Variants in AGTPBP1 observed in about 807,000 individuals in gnomAD.
AGTPBP1 encodes ATP/GTP binding carboxypeptidase 1.
AGTPBP1 carries 70 observed loss-of-function variants against 143.9 expected under a neutral mutation model. The observed-to-expected ratio is 0.49, with a 90% CI of 0.40 to 0.59. The LOEUF is 0.59. Ranked by LOEUF, AGTPBP1 falls within the 20% of genes least tolerant of loss-of-function variation. AGTPBP1 has a pLI of 0.00. For missense variants in AGTPBP1, 1,229 were observed against 1,464.5 expected (o/e 0.84, Z 2.62); for synonymous variants, 463 against 500.2 (o/e 0.93, Z 0.99).
At chr9:85,731,299 A>G (rs1381350622) in intron 1 of AGTPBP1, among the ~76,000 whole-genome samples, 1 of 152,230 alleles carries the variant, frequency 6.6e-6, no homozygotes, top group Non-Finnish European at 1.5e-5. Context: ...TAGAATGGCT[A>G]AACTTTAAAA....
At chr9:85,736,375 AATCAGATCAGGGTAATT>A (rs1437014521) in intron 1 of AGTPBP1, among the ~76,000 whole-genome samples, 1 of 152,224 alleles carries the variant, frequency 6.6e-6, no homozygotes, top group East Asian at 1.9e-4. Flanking sequence ...AATGTATAGC[AATCAGATCAGGGTAATT>A]AGCAAATCCA....
intron 25 of AGTPBP1, 54 bp downstream of exon 25, chr9:85,575,261 T>C: frequency 7.3e-7 from 1 of 1,365,096 alleles, no homozygotes; most frequent in Non-Finnish European, 9.7e-7. Flanking sequence ...GCTATTTTAA[T>C]GAAGTCTAAT....
At chr9:85,658,042 TCTG>T (rs778477823) in intron 9 of AGTPBP1, among the ~76,000 whole-genome samples, 3 of 152,142 alleles carry the variant, frequency 2.0e-5, no homozygotes, top group African/African-American at 4.8e-5. Context: ...TTTTAGAAGA[TCTG>T]CTATCATTTT....
chr9:85,595,817 A>G (rs1312362503), intron 18 of AGTPBP1, among the ~76,000 whole-genome samples: 1 of 152,122 alleles, frequency 6.6e-6, no homozygotes, highest in African/African-American at 2.4e-5. Flanking sequence ...ATGAGCCACC[A>G]CACCCAGCCT....
chr9:85,554,264 C>T (rs1323354444), intron 25 of AGTPBP1: 3 of 152,214 alleles, frequency 2.0e-5, no homozygotes, highest in Non-Finnish European at 4.4e-5. Context: ...TTCAGAGCTG[C>T]CAAGGTTCCT....
intron 13 of AGTPBP1, among the ~76,000 whole-genome samples, chr9:85,633,994 C>G (rs1233599468): frequency 2.0e-5 from 3 of 151,218 alleles, no homozygotes; most frequent in Non-Finnish European, 4.4e-5. Context: ...GAGTTCAAGA[C>G]CAGCCTGGCC....
chr9:85,646,542 T>C (rs1832821229), intron 11 of AGTPBP1, 124 bp from the exon 12 acceptor site: 5 of 693,096 alleles, frequency 7.2e-6, no homozygotes, highest in Non-Finnish European at 1.2e-5. Context: ...TGAGATTTCT[T>C]ATTTAACATC....
chr9:85,664,211 G>A (rs1159841926), intron 8 of AGTPBP1, among the ~76,000 whole-genome samples: 1 of 152,128 alleles, frequency 6.6e-6, no homozygotes, highest in African/African-American at 2.4e-5. Flanking sequence ...TAAAGCCTCT[G>A]GGGGTGATAG....
At chr9:85,674,209 G>T (rs563699577) in intron 6 of AGTPBP1, among the ~76,000 whole-genome samples, 1 of 150,522 alleles carries the variant, frequency 6.6e-6, no homozygotes, top group Non-Finnish European at 1.5e-5. Context: ...TATTCCTGAG[G>T]AAAAATTATT....
chr9:85,618,100 C>A (rs574543328), intron 17 of AGTPBP1, among the ~76,000 whole-genome samples: 2 of 151,838 alleles, frequency 1.3e-5, no homozygotes, highest in African/African-American at 4.8e-5. Context: ...ATTATCCAGG[C>A]GTGGTGGCAC....
At chr9:85,667,859 T>A (rs933424171) in intron 8 of AGTPBP1, among the ~76,000 whole-genome samples, 4 of 135,430 alleles carry the variant, frequency 3.0e-5, no homozygotes, top group Admixed American at 7.8e-5. Context: ...CAATCAAATA[T>A]AATGTATAGA....
intron 17 of AGTPBP1, among the ~76,000 whole-genome samples, chr9:85,616,065 A>T (rs1473915870): frequency 6.6e-6 from 1 of 152,064 alleles, no homozygotes; most frequent in African/African-American, 2.4e-5. Context: ...TTTAAAAAAT[A>T]AATGCATAAC....
At chr9:85,599,695 A>C (rs1439128190) in intron 17 of AGTPBP1, among the ~76,000 whole-genome samples, 1 of 152,200 alleles carries the variant, frequency 6.6e-6, no homozygotes, top group Non-Finnish European at 1.5e-5. Context: ...TTTCTGAATT[A>C]CTGTTTTTGA....
intron 25 of AGTPBP1, among the ~76,000 whole-genome samples, chr9:85,572,052 A>C (rs1827534059): frequency 4.8e-5 from 4 of 84,152 alleles, no homozygotes; most frequent in Admixed American, 1.8e-4. Flanking sequence ...TTTGAGGCAC[A>C]GTTTCATTCT....
intron 23 of AGTPBP1, among the ~76,000 whole-genome samples, chr9:85,579,491 C>G (rs934845417): frequency 3.3e-5 from 5 of 151,814 alleles, no homozygotes; most frequent in African/African-American, 1.2e-4. Flanking sequence ...CTAAGACAAT[C>G]ACAATCAAAA....
At chr9:85,572,549 T>C (rs1311702670) in intron 25 of AGTPBP1, among the ~76,000 whole-genome samples, 2 of 152,202 alleles carry the variant, frequency 1.3e-5, no homozygotes, top group East Asian at 1.9e-4. Flanking sequence ...TAGCAGTACA[T>C]GTGATTTCTT....
intron 14 of AGTPBP1, among the ~76,000 whole-genome samples, chr9:85,630,150 T>TA (rs1831562628): frequency 6.6e-6 from 1 of 152,134 alleles, no homozygotes; most frequent in Non-Finnish European, 1.5e-5. Context: ...AAAGAAGAAA[T>TA]ATCAAGTTGC....
chr9:85,741,435 G>C, intron 1 of AGTPBP1: 1 of 985,200 alleles, frequency 1.0e-6, no homozygotes, highest in Non-Finnish European at 1.2e-6. Flanking sequence ...GCTCGGGCCC[G>C]AGAGAAAGGG....
At position 85,647,208 on chromosome 9, in the gene AGTPBP1, C is replaced by T. The variant is rs372237038; in HGVS notation, c.1088-790G>A. Among the ~76,000 whole-genome samples, 34 of 152,148 alleles carry T rather than the reference C, an allele frequency of 2.2e-4. 1 individual carries two copies. The highest frequency in any genetic ancestry group is 6.3e-4 in the African/African-American group (26 of 41,512). The stretch of plus-strand genomic sequence containing the variant: ...AGAAGAATTGCTTGAACCTGGGAGG[C>T]GGAGGTTGCGGTGAGCCAAGATCGC... On this transcript the variant is annotated intron_variant, in intron 11 of 25. Transcript: ENST00000357081.
Sources: gnomAD v4.1 joint callset for allele counts (sites outside exome capture counted in the v4.1 genomes callset) on GRCh38, gnomAD v4.1.1 for gene constraint, MANE v1.5 for transcripts, NCBI Gene and HGNC (gene_info 2026-07-23, HGNC 2026-07-21) for gene names.